Variants in MRPS30 observed in about 807,000 individuals in gnomAD.
MRPS30 encodes the protein large ribosomal subunit protein mL65.
Under a neutral mutation model 43.8 loss-of-function variants are expected in MRPS30, and 42 were observed. That is an observed-to-expected ratio of 0.96 (90% CI 0.75 to 1.24). MRPS30 has a LOEUF of 1.24. MRPS30 is among the 50% of genes most tolerant of loss of function. The pLI is 0.00. For synonymous variants in MRPS30, 273 were observed against 228.2 expected (o/e 1.20, Z -1.77); for missense variants, 638 against 570.0 (o/e 1.12, Z -1.22).
At position 44,811,859 on chromosome 5, in the gene MRPS30, G is replaced by A. The variant is rs148139305; in HGVS notation, c.748-56G>A. The A allele has an allele frequency of 9.2e-4, 985 of 1,074,384 alleles. 8 individuals carry two copies. In the African/African-American group the frequency reaches 0.015, roughly 16 times the overall value. The allele number at this position is 1,074,384 out of a possible 1,614,324, so 66.6% of individuals were successfully genotyped here. On this transcript the variant is annotated intron_variant, in intron 2 of 4. Transcript: ENST00000507110. ...AGATTTTTAAATCTAATGAGTGTGA[G>A]TAAAATACATACTAATGTTGCTGTG...
In MRPS30 at chr5:44,808,958, C is replaced by A. The variant is rs1229072313; in HGVS notation, c.-5C>A. 1.9e-6 allele frequency: 3 copies of A among 1,587,542 alleles called. No individual in the cohort carries two copies. The highest frequency in any genetic ancestry group is 1.3e-5 in the African/African-American group (1 of 74,198). ...TGACCTCTGGGTCCGGAATCGCGGG[C>A]AAAGATGGCGGCGGCCAGGTGTTGG... On this transcript the variant is annotated 5_prime_UTR_variant, in exon 1 of 5. Transcript: ENST00000507110.
Position 44,809,060 on chromosome 5 carries a change from G to A in MRPS30, c.98G>A (p.Cys33Tyr), listed in dbSNP as rs3747479. 35 of 1,608,970 alleles carry A rather than the reference G, an allele frequency of 2.2e-5. No individual in the cohort carries two copies. The highest frequency in any genetic ancestry group is 2.7e-5 in the Non-Finnish European group (32 of 1,178,218). Residue 33 changes from cysteine to tyrosine, a missense_variant, in exon 1 of 5, where the codon TGC (cysteine) becomes TAC (tyrosine). By Grantham distance (194) the Cys-to-Tyr change is radical. Coordinates refer to ENST00000507110, the MANE Select transcript of MRPS30 (RefSeq NM_016640.4). The part of the protein sequence containing the change: ...NAAATATETT[C>Y]QDVAATPVAR... ...GCCGCCACGGCTACAGAAACGACCT[G>A]CCAAGACGTCGCGGCGACCCCCGTC... is the stretch of plus-strand genomic sequence containing the variant.
chr5:44,813,009 G>A, intron 3 of MRPS30, 97 bp from the exon 4 acceptor site: 1 of 1,095,460 alleles, frequency 9.1e-7, no homozygotes. Context: ...AGAATATGAT[G>A]TATAAAGAAG....
At chr5:44,811,844 A>G in intron 2 of MRPS30, 71 bp from the exon 3 acceptor site, 5 of 902,334 alleles carry the variant, frequency 5.5e-6, no homozygotes, top group Non-Finnish European at 8.0e-6. Context: ...AGATTTTTAA[A>G]TCTAATGAGT....
chr5:44,813,411 C>G (rs1484130423), intron 4 of MRPS30, 129 bp downstream of exon 4: 18 of 732,578 alleles, frequency 2.5e-5, no homozygotes, highest in Non-Finnish European at 3.7e-5. Context: ...TGCATTGGCA[C>G]AAAGTACAGT....
intron 3 of MRPS30, among the ~76,000 whole-genome samples, chr5:44,812,320 T>A (rs1334259917): frequency 1.3e-5 from 2 of 152,206 alleles, no homozygotes; most frequent in East Asian, 3.8e-4. Context: ...GTAAAAACTT[T>A]TAGAACTGGA....
chr5:44,809,259 GCTGAA>G lies in MRPS30; in HGVS notation c.298_302del (p.Leu100CysfsTer33), dbSNP rs879516839. ...ACATGGTTTACCCGCAGACCTTCGC[GCTGAA>G]TGCCGACCGCTGGTACCAGTACTTC... is the stretch of plus-strand genomic sequence containing the variant. On this transcript the variant is annotated frameshift_variant, in exon 1 of 5. Coordinates refer to ENST00000507110, the MANE Select transcript of MRPS30 (RefSeq NM_016640.4). LOFTEE classifies it high-confidence loss of function. 3 of 1,613,558 alleles carry G rather than the reference GCTGAA, an allele frequency of 1.9e-6. No individual in the cohort carries two copies. The Admixed American group carries it at 5.0e-5, about 27-fold the overall frequency.
In MRPS30 at chr5:44,809,397, C is replaced by T. The variant is rs750208668; in HGVS notation, c.435C>T (p.Val145=). Residue 145 remains valine (V), a synonymous_variant, in exon 1 of 5, where the codon GTC becomes GTT. Transcript: ENST00000507110. ...TGGACCTCGCGGCGCTGCGTGCGGT[C>T]GCCTGCGACTGCCTGCTGCAGGAGC... is the stretch of plus-strand genomic sequence containing the variant. ...PALDLAALRA[V]ACDCLLQEHF... The T allele has an allele frequency of 6.2e-6, 10 of 1,610,628 alleles. No homozygotes were observed. In the African/African-American group the frequency reaches 1.3e-4, roughly 22 times the overall value.
In MRPS30 at chr5:44,813,129, T is replaced by C; in HGVS notation, c.877T>C (p.Cys293Arg). 1 of 1,612,950 alleles carries C rather than the reference T, an allele frequency of 6.2e-7. No homozygotes were observed. Among genetic ancestry groups the C allele is most frequent in the Non-Finnish European group, 8.5e-7 (1 of 1,179,598 alleles). Residue 293 changes from cysteine (C) to arginine (R), a missense_variant, in exon 4 of 5, where the codon TGT becomes CGT. Coordinates refer to ENST00000507110, the MANE Select transcript of MRPS30 (RefSeq NM_016640.4). ...FVGSKTADPC[C>R]YGHTQFHLLP... ...AGGCTCAAAAACTGCAGATCCTTGC[T>C]GTTACGGTCACACCCAGTTTCATCT...
At chr5:44,810,772 A>G (rs773818944) in intron 1 of MRPS30, among the ~76,000 whole-genome samples, 1 of 152,152 alleles carries the variant, frequency 6.6e-6, no homozygotes, top group Non-Finnish European at 1.5e-5. Context: ...ATTTTCTTTT[A>G]TTACTCCTAA....
Position 44,809,326 on chromosome 5 carries a change from C to T in MRPS30, c.364C>T (p.Pro122Ser), listed in dbSNP as rs762428657. Residue 122 changes from proline to serine, a missense_variant, in exon 1 of 5, where the codon CCA (proline) becomes TCA (serine). Pro to Ser is a moderately conservative substitution (Grantham distance 74). Coordinates refer to ENST00000507110, the MANE Select transcript of MRPS30 (RefSeq NM_016640.4). ...GTTCCTGTCGGGTCTGCCGCCGCCC[C>T]CAGCGGAGCCCGAGCCCGAGCCCGA... The part of the protein sequence containing the change: ...TVFLSGLPPP[P>S]AEPEPEPEPE... The T allele has an allele frequency of 1.9e-6, 3 of 1,610,250 alleles. No homozygotes were observed. The African/African-American group carries it at 4.0e-5, about 22-fold the overall frequency.
At chr5:44,814,056 TCCCTGAGGTG>T (rs1299214930) in intron 4 of MRPS30, among the ~76,000 whole-genome samples, 1 of 151,998 alleles carries the variant, frequency 6.6e-6, no homozygotes, top group African/African-American at 2.4e-5. Context: ...CAAGTAAAAG[TCCCTGAGGTG>T]GGAACAGGCC....
chr5:44,809,654 C>G (rs762922029), intron 1 of MRPS30, 91 bp downstream of exon 1: 1 of 1,335,104 alleles, frequency 7.5e-7, no homozygotes, highest in Admixed American at 2.4e-5. Context: ...TCATTTCTTT[C>G]TCTCTGCTTC....
Position 44,814,548 on chromosome 5 carries a change from T to TA in MRPS30, c.1031-364dup, listed in dbSNP as rs1223976383. Among the ~76,000 whole-genome samples, 3 of 152,176 alleles carry TA rather than the reference T, an allele frequency of 2.0e-5. No individual in the cohort carries two copies. The East Asian group carries it at 5.8e-4, about 29-fold the overall frequency. On this transcript the variant is annotated intron_variant, in intron 4 of 4. Coordinates refer to ENST00000507110, the MANE Select transcript of MRPS30 (RefSeq NM_016640.4). ...TATCTCCATTAAAGATGACATAAAA[T>TA]ACGTGTGGAGAAATAAAGTTACTAC...
chr5:44,809,012 C>A lies in MRPS30; in HGVS notation c.50C>A (p.Ser17Ter). ...WRPLLRGPRL[S>*]LHTAANAAAT... ...CCTTTGCTACGCGGTCCGAGGCTTT[C>A]ATTGCACACCGCGGCTAATGCCGCC... Residue 17 changes from serine to a stop codon, truncating the protein, a stop_gained, in exon 1 of 5, where the codon TCA becomes TAA. Coordinates refer to ENST00000507110, the MANE Select transcript of MRPS30 (RefSeq NM_016640.4). LOFTEE classifies it high-confidence loss of function. 2 of 1,609,836 alleles carry A rather than the reference C, an allele frequency of 1.2e-6. No individual in the cohort carries two copies. Among genetic ancestry groups the A allele is most frequent in the South Asian group, 2.2e-5 (2 of 90,600 alleles).
intron 4 of MRPS30, among the ~76,000 whole-genome samples, chr5:44,814,056 TC>T (rs1742883640): frequency 1.3e-5 from 2 of 151,998 alleles, no homozygotes; most frequent in South Asian, 4.1e-4. Flanking sequence ...CAAGTAAAAG[TC>T]CCTGAGGTGG....
chr5:44,810,922 G>C, intron 1 of MRPS30, 87 bp from the exon 2 acceptor site: 2 of 1,161,718 alleles, frequency 1.7e-6, no homozygotes, highest in Non-Finnish European at 2.5e-6. Context: ...GTTATCATTT[G>C]CTAAGTTAGT....
rs777371180 is a variant in MRPS30, at chr5:44,809,283, G to A, written c.321G>A (p.Gln107=). Residue 107 remains glutamine, a synonymous_variant, in exon 1 of 5, where the codon CAG becomes CAA. Transcript: ENST00000507110. ...CGCTGAATGCCGACCGCTGGTACCA[G>A]TACTTCACCAAGACCGTGTTCCTGT... ...TFALNADRWY[Q]YFTKTVFLSG... is the part of the protein sequence containing the mutation. The A allele has an allele frequency of 1.2e-6, 2 of 1,613,406 alleles. No homozygotes were observed. The highest frequency in any genetic ancestry group is 8.5e-7 in the Non-Finnish European group (1 of 1,179,842).
rs1371591360 is a variant in MRPS30, at chr5:44,809,511, C to T, written c.549C>T (p.Thr183=). The T allele has an allele frequency of 1.9e-6, 3 of 1,612,124 alleles. No homozygotes were observed. Among genetic ancestry groups the T allele is most frequent in the Admixed American group, 3.3e-5 (2 of 59,858 alleles). ...CCTTCCTGGATCAGCTGGTGTCAAC[C>T]CTCGTGGGCCTCCTCAGCCCACACA... ...SLPFLDQLVS[T]LVGLLSPHNP... The change falls in exon 1 of 5, where the codon ACC becomes ACT. Residue 183 remains threonine (T), a synonymous_variant. Coordinates refer to ENST00000507110, the MANE Select transcript of MRPS30 (RefSeq NM_016640.4).
Sources: allele counts gnomAD v4.1 joint callset (sites outside exome capture counted in the v4.1 genomes callset), GRCh38; gene constraint gnomAD v4.1.1; transcripts MANE v1.5; gene names NCBI Gene and HGNC (gene_info 2026-07-23, HGNC 2026-07-21).